Variants in FLYWCH1 observed in about 807,000 individuals in gnomAD.
FLYWCH1 encodes FLYWCH-type zinc finger-containing protein 1.
FLYWCH1 carries 75 observed loss-of-function variants against 66.4 expected under a neutral mutation model. The observed-to-expected ratio is 1.13, with a 90% CI of 0.94 to 1.37. The LOEUF (loss-of-function observed/expected upper bound fraction) is 1.37, where lower values mean the gene tolerates loss of function less well. Among genes scored for constraint, FLYWCH1 ranks in the 40% most tolerant of loss-of-function variants. The pLI, the probability that FLYWCH1 is intolerant of heterozygous loss-of-function variation, is 0.00. For missense variants in FLYWCH1, 1,334 were observed against 1,001.8 expected (o/e 1.33, Z -4.48); for synonymous variants, 595 against 429.9 (o/e 1.38, Z -4.75).
intron 8 of FLYWCH1, among the ~76,000 whole-genome samples, chr16:2,939,510 A>T (rs1433835200): frequency 1.3e-5 from 1 of 75,840 alleles, no homozygotes; most frequent in African/African-American, 4.9e-5. Context: ...ACCTTGAAAG[A>T]AAACAGCCTG....
At chr16:2,933,637 G>C in intron 5 of FLYWCH1, 55 bp downstream of exon 5, 1 of 1,561,028 alleles carries the variant, frequency 6.4e-7, no homozygotes. Flanking sequence ...TGCCTCCAGA[G>C]GTCCAGGGAG....
intron 2 of FLYWCH1, chr16:2,923,121 T>G: frequency 2.5e-6 from 1 of 402,440 alleles, no homozygotes; most frequent in Non-Finnish European, 4.8e-6. Context: ...GGTTCTTTTT[T>G]TGTGTGGCTG....
chr16:2,943,776 A>G (rs758354454), intron 9 of FLYWCH1, among the ~76,000 whole-genome samples: 15 of 151,838 alleles, frequency 9.9e-5, no homozygotes, highest in Non-Finnish European at 2.1e-4. Flanking sequence ...TCTCTACTCA[A>G]AATACAAAAA....
At chr16:2,937,539 G>A (rs890683717) in intron 7 of FLYWCH1, among the ~76,000 whole-genome samples, 155 bp downstream of exon 7, 12 of 152,306 alleles carry the variant, frequency 7.9e-5, no homozygotes, top group South Asian at 2.1e-4. Flanking sequence ...CTCCATCTGC[G>A]GGCTCCGAGC....
intron 2 of FLYWCH1, among the ~76,000 whole-genome samples, chr16:2,924,199 G>A (rs149640223): frequency 0.011 from 1,685 of 152,046 alleles, 17 homozygotes; most frequent in Non-Finnish European, 0.014. Context: ...GCGTGGTGGC[G>A]GGCGCCTGTA....
chr16:2,929,169 G>A (rs57596079), intron 2 of FLYWCH1, among the ~76,000 whole-genome samples: 2,508 of 152,316 alleles, frequency 0.016, 75 homozygotes, highest in African/African-American at 0.058. Flanking sequence ...GCAGAAACGG[G>A]TCTCAGCTTC....
chr16:2,922,458 C>T (rs891700495), intron 2 of FLYWCH1: 7 of 230,480 alleles, frequency 3.0e-5, no homozygotes, highest in South Asian at 2.9e-4. Flanking sequence ...GCTCTGTGCC[C>T]ATGAAACACT....
chr16:2,941,741 G>A (rs1301804472), intron 9 of FLYWCH1, among the ~76,000 whole-genome samples: 3 of 151,838 alleles, frequency 2.0e-5, no homozygotes, highest in Middle Eastern at 3.4e-3. Context: ...AGAACTAAAA[G>A]TCTGGGCGTG....
intron 9 of FLYWCH1, among the ~76,000 whole-genome samples, chr16:2,940,401 G>A (rs1266933468): frequency 6.6e-6 from 1 of 152,186 alleles, no homozygotes; most frequent in South Asian, 2.1e-4. Flanking sequence ...GCAGAATTCA[G>A]GTTCTTCTCA....
At position 2,937,379 on chromosome 16, in the gene FLYWCH1, G is replaced by T. The variant is rs551336913; in HGVS notation, c.1772G>T (p.Ser591Ile). ...EHFPNLAQWD[S>I]PDPLRPLEFL... ...TTCCCCAACCTGGCGCAGTGGGACAGCCCAGGTGCGTGTGGAGGGTGCTGG... is the reference window on the plus strand; with the variant it reads ...TTCCCCAACCTGGCGCAGTGGGACATCCCAGGTGCGTGTGGAGGGTGCTGG... Residue 591 changes from serine (S) to isoleucine (I), a missense_variant, in exon 7 of 10, where the codon AGC becomes ATC. Transcript: ENST00000253928. 6.4e-7 allele frequency: 1 copy of T among 1,553,202 alleles called. No individual in the cohort carries two copies. Among genetic ancestry groups the T allele is most frequent in the Non-Finnish European group, 8.7e-7 (1 of 1,150,926 alleles).
intron 2 of FLYWCH1, among the ~76,000 whole-genome samples, chr16:2,924,818 C>T (rs1188766219): frequency 1.3e-5 from 2 of 152,230 alleles, no homozygotes; most frequent in African/African-American, 4.8e-5. Flanking sequence ...CTTCCACAAG[C>T]CGGCGGTCAG....
chr16:2,945,396 G>C (rs1173223560), intron 9 of FLYWCH1, among the ~76,000 whole-genome samples: 4 of 149,310 alleles, frequency 2.7e-5, no homozygotes, highest in Non-Finnish European at 4.4e-5. Context: ...TGGGGTAGGA[G>C]AATTGCTTGA....
intron 4 of FLYWCH1, 120 bp downstream of exon 4, chr16:2,931,000 A>C: frequency 1.3e-6 from 1 of 796,442 alleles, no homozygotes; most frequent in Non-Finnish European, 1.9e-6. Context: ...CAAAGCTAAA[A>C]TGACTTTTAA....
At chr16:2,914,636 C>T (rs539549772) in intron 2 of FLYWCH1, among the ~76,000 whole-genome samples, 28 of 152,256 alleles carry the variant, frequency 1.8e-4, no homozygotes, top group South Asian at 1.0e-3. Context: ...TGGTGGTTCA[C>T]GTCTGTAATC....
At chr16:2,937,006 CCA>C in intron 6 of FLYWCH1, 113 bp from the exon 7 acceptor site, 14 of 1,169,548 alleles carry the variant, frequency 1.2e-5, no homozygotes, top group Non-Finnish European at 1.6e-5. Flanking sequence ...GGCTCCGGGG[CCA>C]CCTCACTGTG....
intron 2 of FLYWCH1, among the ~76,000 whole-genome samples, chr16:2,929,188 TC>T (rs775468327): frequency 6.6e-6 from 1 of 152,180 alleles, no homozygotes; most frequent in Non-Finnish European, 1.5e-5. Flanking sequence ...TCCCGCCTCT[TC>T]AGCCTCAAGT....
intron 9 of FLYWCH1, among the ~76,000 whole-genome samples, chr16:2,945,301 C>T (rs539583733): frequency 6.6e-6 from 1 of 151,972 alleles, no homozygotes; most frequent in Admixed American, 6.5e-5. Context: ...TCCGGGCTAA[C>T]ACGGTAAAAT....
chr16:2,938,322 G>A lies in FLYWCH1; in HGVS notation c.1916G>A (p.Cys639Tyr), dbSNP rs778837746. Residue 639 changes from cysteine to tyrosine, a missense_variant, in exon 8 of 10, where the codon TGC becomes TAC. Cys to Tyr is a radical substitution (Grantham distance 194). Transcript: ENST00000253928. ...TGCCGGGACCAGGCTCGGCTGGGCT[G>A]CCGCAGCCGCGCCATAACCCAGGGC... is the stretch of plus-strand genomic sequence containing the variant. ...WMCRDQARLG[C>Y]RSRAITQGHR... is the part of the protein sequence containing the mutation. 76 of 1,607,554 alleles carry A rather than the reference G, an allele frequency of 4.7e-5. No homozygotes were observed. Among genetic ancestry groups the A allele is most frequent in the Non-Finnish European group, 6.1e-5 (72 of 1,177,184 alleles).
intron 2 of FLYWCH1, among the ~76,000 whole-genome samples, chr16:2,914,497 A>G (rs1443487172): frequency 6.6e-6 from 1 of 152,180 alleles, no homozygotes; most frequent in African/African-American, 2.4e-5. Context: ...CCGCACCCTC[A>G]ATTCTGGGAG....
Sources: gnomAD v4.1 joint callset for allele counts (sites outside exome capture counted in the v4.1 genomes callset) on GRCh38, gnomAD v4.1.1 for gene constraint, MANE v1.5 for transcripts, NCBI Gene and HGNC (gene_info 2026-07-23, HGNC 2026-07-21) for gene names.